The following ABAT variants were observed in gnomAD, a reference collection of about 807,000 sequenced individuals.
The protein encoded by ABAT is 4-aminobutyrate aminotransferase, mitochondrial.
ABAT carries 45 observed loss-of-function variants against 64.6 expected under a neutral mutation model. That is an observed-to-expected ratio of 0.70 (90% CI 0.55 to 0.89). The LOEUF (loss-of-function observed/expected upper bound fraction) is 0.89. Among genes scored for constraint, ABAT ranks in the 40% least tolerant of loss-of-function variants. The pLI, the probability that ABAT is intolerant of heterozygous loss-of-function variation, is 0.00. For missense variants in ABAT, 633 were observed against 658.4 expected (o/e 0.96, Z 0.42); for synonymous variants, 297 against 250.5 (o/e 1.19, Z -1.75).
Position 8,766,237 on chromosome 16 carries a change from C to G in ABAT, c.570C>G (p.Ser190=). 1 of 1,614,102 alleles carries G rather than the reference C, an allele frequency of 6.2e-7. No homozygotes were observed. The highest frequency in any genetic ancestry group is 1.3e-5 in the African/African-American group (1 of 75,048). Residue 190 remains serine (S), a synonymous_variant, in exon 9 of 16, where the codon TCC becomes TCG. Coordinates refer to ENST00000268251, the MANE Select transcript of ABAT (RefSeq NM_020686.6). ...RSKERGQRGF[S]QEELETCMIN... Reference sequence around the variant, plus strand: ...AGGAAAGAGGGCAGAGGGGCTTCTCCCAGGAGGAGCTGGAGACGTGCATGA... The same window carrying G: ...AGGAAAGAGGGCAGAGGGGCTTCTCGCAGGAGGAGCTGGAGACGTGCATGA...
chr16:8,702,694 C>G (rs1281904241), intron 1 of ABAT, among the ~76,000 whole-genome samples: 2 of 123,210 alleles, frequency 1.6e-5, no homozygotes, highest in Non-Finnish European at 3.5e-5. Flanking sequence ...CTGGGGATTA[C>G]GTTTCAACGT....
chr16:8,717,077 G>A (rs1405903295), intron 1 of ABAT, among the ~76,000 whole-genome samples: 3 of 152,192 alleles, frequency 2.0e-5, no homozygotes, highest in African/African-American at 7.2e-5. Flanking sequence ...ATCACTTGAG[G>A]TCAGGAGTTT....
In ABAT at chr16:8,776,428, G is replaced by T. The variant is rs751974207; in HGVS notation, c.1207G>T (p.Asp403Tyr). Reference sequence around the variant, plus strand: ...GGTCATCAACATCATCAAGCGGGAGGACCTGCTAAATAATGCAGCCCATGC... The same window carrying T: ...GGTCATCAACATCATCAAGCGGGAGTACCTGCTAAATAATGCAGCCCATGC... ...AEVINIIKRE[D>Y]LLNNAAHAGK... The change falls in exon 14 of 16, where the codon GAC (aspartate) becomes TAC (tyrosine). Residue 403 changes from aspartate (D) to tyrosine (Y), a missense_variant. Physicochemically the swap from Asp to Tyr is radical, Grantham distance 160 (BLOSUM62 -3). Transcript: ENST00000268251. This position sits in a 1 kb window ranked among gnomAD's most constrained non-coding sequence, Gnocchi z 4.4. The T allele has an allele frequency of 1.3e-5, 21 of 1,614,192 alleles. No individual in the cohort carries two copies. Among genetic ancestry groups the T allele is most frequent in the Non-Finnish European group, 1.8e-5 (21 of 1,180,052 alleles).
At chr16:8,774,375 T>C (rs1259064266) in intron 12 of ABAT, among the ~76,000 whole-genome samples, 1 of 152,144 alleles carries the variant, frequency 6.6e-6, no homozygotes, top group African/African-American at 2.4e-5. Flanking sequence ...TTTCTTTATA[T>C]TGTGTGTTTG....
chr16:8,726,282 A>ATTTT (rs2058552406), intron 1 of ABAT, among the ~76,000 whole-genome samples: 1 of 17,298 alleles, frequency 5.8e-5, no homozygotes. Flanking sequence ...TTTTTTTGAG[A>ATTTT]TGGAGTCTCG....
At chr16:8,726,001 G>C (rs2058541040) in intron 1 of ABAT, among the ~76,000 whole-genome samples, 1 of 151,886 alleles carries the variant, frequency 6.6e-6, no homozygotes, top group South Asian at 2.1e-4. Context: ...CCCTCCCTGG[G>C]AGCCTGCCTA....
chr16:8,774,974 G>A lies in ABAT; in HGVS notation c.1039G>A (p.Asp347Asn), dbSNP rs2060223754. 6.2e-7 allele frequency: 1 copy of A among 1,614,098 alleles called. No homozygotes were observed. Among genetic ancestry groups the A allele is most frequent in the Admixed American group, 1.7e-5 (1 of 60,012 alleles). Reference protein sequence around the residue: ...KFWAHEHWGLDDPADVMTFSK... With the variant: ...KFWAHEHWGLNDPADVMTFSK... ...CTGGGCCCATGAGCACTGGGGCCTG[G>A]ATGACCCAGCAGACGTGATGACCTT... Residue 347 changes from aspartate to asparagine, a missense_variant, in exon 13 of 16, where the codon GAT becomes AAT. Transcript: ENST00000268251.
At position 8,776,606 on chromosome 16, in the gene ABAT, C is replaced by A. The variant is rs369800505; in HGVS notation, c.1269+116C>A. On this transcript the variant is annotated intron_variant, in intron 14 of 15. Transcript: ENST00000268251. This position sits in a 1 kb window ranked among gnomAD's most constrained non-coding sequence, Gnocchi z 4.4. ...TGCCTGCTGTTCCAGCAGTTCGTAACGGGCTGTGCTGCTCCTAGCCTTGGG... is the reference window on the plus strand; with the variant it reads ...TGCCTGCTGTTCCAGCAGTTCGTAAAGGGCTGTGCTGCTCCTAGCCTTGGG... 4.2e-5 allele frequency: 48 copies of A among 1,139,274 alleles called. No homozygotes were observed. The highest frequency in any genetic ancestry group is 5.5e-4 in the Middle Eastern group (2 of 3,608). 70.6% of individuals were successfully genotyped at this position (1,139,274 alleles called of 1,614,324 possible).
At chr16:8,765,298 T>C (rs2059911990) in intron 8 of ABAT, among the ~76,000 whole-genome samples, 1 of 150,434 alleles carries the variant, frequency 6.6e-6, no homozygotes, top group South Asian at 2.1e-4. Context: ...GTTGTGCCAC[T>C]GCATTTCAGC....
intron 15 of ABAT, among the ~76,000 whole-genome samples, chr16:8,779,852 A>C (rs1641029): frequency 0.099 from 15,006 of 152,258 alleles, 1,208 homozygotes; most frequent in African/African-American, 0.21. Context: ...GATGAAGACC[A>C]TCAGAGCCCC....
intron 6 of ABAT, among the ~76,000 whole-genome samples, chr16:8,761,297 C>T (rs116531353): frequency 2.0e-5 from 3 of 151,748 alleles, no homozygotes; most frequent in African/African-American, 7.3e-5. Context: ...CCCATCGATC[C>T]CTCCCACCTC....
At chr16:8,757,658 TG>T in intron 5 of ABAT, 98 bp from the exon 6 acceptor site, 3 of 1,307,498 alleles carry the variant, frequency 2.3e-6, no homozygotes, top group Non-Finnish European at 2.2e-6. Flanking sequence ...TAAAGAGAGT[TG>T]GGGGGTTGGA....
At chr16:8,762,751 T>A (rs1161766712) in intron 6 of ABAT, among the ~76,000 whole-genome samples, 1 of 152,054 alleles carries the variant, frequency 6.6e-6, no homozygotes, top group Non-Finnish European at 1.5e-5. Flanking sequence ...CACCCTATTC[T>A]CATGATGTGA....
chr16:8,771,791 G>T (rs1281006652), intron 11 of ABAT, among the ~76,000 whole-genome samples: 1 of 151,666 alleles, frequency 6.6e-6, no homozygotes, highest in Non-Finnish European at 1.5e-5. Flanking sequence ...ACAAAGACAG[G>T]ATCTTGCTGT....
intron 5 of ABAT, among the ~76,000 whole-genome samples, chr16:8,752,481 G>A (rs769575512): frequency 3.3e-5 from 5 of 152,186 alleles, no homozygotes; most frequent in African/African-American, 9.7e-5. Flanking sequence ...AAGTTTGGTC[G>A]GGCACGGTGG....
intron 11 of ABAT, among the ~76,000 whole-genome samples, chr16:8,770,964 A>C (rs1024914112): frequency 6.6e-6 from 1 of 152,160 alleles, no homozygotes; most frequent in African/African-American, 2.4e-5. Context: ...AGTTTTTGAA[A>C]CACTGTGTGT....
At chr16:8,725,105 G>C (rs955173362) in intron 1 of ABAT, among the ~76,000 whole-genome samples, 1 of 152,032 alleles carries the variant, frequency 6.6e-6, no homozygotes, top group Admixed American at 6.6e-5. Context: ...TAGTAAAGAC[G>C]GGGTTTCTCC....
intron 1 of ABAT, among the ~76,000 whole-genome samples, chr16:8,704,954 G>A (rs949081862): frequency 2.0e-5 from 3 of 152,118 alleles, no homozygotes; most frequent in Admixed American, 1.3e-4. Flanking sequence ...CCAAAATGCT[G>A]GGATTATAGG....
intron 11 of ABAT, among the ~76,000 whole-genome samples, chr16:8,770,994 A>G (rs2060089146): frequency 2.0e-5 from 3 of 152,088 alleles, no homozygotes; most frequent in Non-Finnish European, 4.4e-5. Context: ...TTACAGCACA[A>G]TGCTCTAAAA....
Sources: gnomAD v4.1 joint callset for allele counts (sites outside exome capture counted in the v4.1 genomes callset) on GRCh38, gnomAD v4.1.1 for gene constraint, Gnocchi (gnomAD v3.1) non-coding constraint, MANE v1.5 for transcripts, NCBI Gene and HGNC (gene_info 2026-07-23, HGNC 2026-07-21) for gene names.